The following LAX1 variants were observed in gnomAD, a reference collection of about 807,000 sequenced individuals.
LAX1 encodes the protein lymphocyte transmembrane adapter 1.
A neutral mutation model predicts 20.7 loss-of-function variants in LAX1; 17 were observed. The ratio of observed to expected loss-of-function variants is 0.82; its 90% CI spans 0.56 to 1.23. LAX1 has a LOEUF of 1.23. LAX1 is among the 50% of genes most tolerant of loss of function. The pLI is 0.00. For synonymous variants in LAX1, 165 were observed against 181.0 expected, an observed-to-expected ratio of 0.91 and a Z score of 0.71; for missense variants, 470 against 487.0, an observed-to-expected ratio of 0.97 and a Z score of 0.33.
intron 1 of LAX1, among the ~76,000 whole-genome samples, chr1:203,770,540 A>AGAAAGAAAGAAAGAAG (rs1558070933): frequency 1.5e-5 from 2 of 130,094 alleles, no homozygotes; most frequent in African/African-American, 5.6e-5. Context: ...AAAGAAAGAA[A>AGAAAGAAAGAAAGAAG]GAAAGAAAGA....
At chr1:203,766,115 A>G (rs1450699234) in intron 1 of LAX1, among the ~76,000 whole-genome samples, 6 of 152,218 alleles carry the variant, frequency 3.9e-5, no homozygotes, top group African/African-American at 1.4e-4. Context: ...ATGGGTATGA[A>G]TTACTGCTAC....
At chr1:203,770,459 A>AGAG (rs56340969) in intron 1 of LAX1, among the ~76,000 whole-genome samples, 15 of 10,512 alleles carry the variant, frequency 1.4e-3, no homozygotes, top group Admixed American at 1.9e-3. Flanking sequence ...GAGAGAAAGG[A>AGAG]AGGAAGGAAG....
In LAX1 at chr1:203,767,085, C is replaced by T. The variant is rs537778897; in HGVS notation, c.89+1431C>T. ...ATGTTGGTCAGGCTGGTCTCGAACTCCCTACCTTAGGTGATCCGCCCACCT... is the reference window on the plus strand; with the variant it reads ...ATGTTGGTCAGGCTGGTCTCGAACTTCCTACCTTAGGTGATCCGCCCACCT... On this transcript the variant is annotated intron_variant, in intron 1 of 4. Transcript: ENST00000442561. 4.6e-5 allele frequency among the ~76,000 whole-genome samples: 7 copies of T among 151,846 alleles called. No homozygotes were observed. In the South Asian group the frequency reaches 1.0e-3, roughly 23 times the overall value.
intron 1 of LAX1, among the ~76,000 whole-genome samples, chr1:203,770,520 A>G (rs1350042301): frequency 1.5e-5 from 2 of 131,582 alleles, no homozygotes; most frequent in Non-Finnish European, 3.1e-5. Context: ...GAAGAAAGAA[A>G]GAAAGAAAGA....
chr1:203,768,208 G>A (rs773054254), intron 1 of LAX1, among the ~76,000 whole-genome samples: 48 of 152,274 alleles, frequency 3.2e-4, no homozygotes, highest in Non-Finnish European at 6.6e-4. Context: ...CTACTCGGGA[G>A]GCTGAGGCAG....
chr1:203,773,809 A>G, intron 4 of LAX1, 66 bp from the exon 5 acceptor site: 1 of 810,706 alleles, frequency 1.2e-6, no homozygotes, highest in Non-Finnish European at 1.8e-6. Context: ...GGTATTTTCC[A>G]AGAAGAAAGG....
chr1:203,769,444 G>GAAAGAAA (rs1553254225), intron 1 of LAX1, among the ~76,000 whole-genome samples: 3,936 of 133,418 alleles, frequency 0.03, 161 homozygotes, highest in East Asian at 0.097. Context: ...AAAGAAAGAA[G>GAAAGAAA]GAAAGAAAGA....
intron 1 of LAX1, chr1:203,769,540 T>C (rs1237116037): frequency 6.6e-6 from 1 of 151,924 alleles, no homozygotes; most frequent in Non-Finnish European, 1.5e-5. Context: ...TTTCTAATAA[T>C]TGGGGGTAGC....
rs146780497 is a variant in LAX1 at position 203,774,158 on chromosome 1, T to C, written c.674T>C (p.Leu225Pro). 427 of 1,614,096 alleles carry C rather than the reference T, an allele frequency of 2.6e-4. No individual in the cohort carries two copies. Among genetic ancestry groups the C allele is most frequent in the Middle Eastern group, 4.9e-4 (3 of 6,084 alleles). Residue 225 changes from leucine to proline, a missense_variant, in exon 5 of 5, where the codon CTG (leucine) becomes CCG (proline). Leu to Pro is a moderately conservative substitution (Grantham distance 98). Coordinates refer to ENST00000442561, the MANE Select transcript of LAX1 (RefSeq NM_017773.4). ...NLFVLPSTQK[L>P]EFTEERDEGC... ...TTTGTTCTTCCCAGTACCCAGAAGC[T>C]GGAGTTTACTGAGGAAAGAGATGAG...
intron 1 of LAX1, among the ~76,000 whole-genome samples, chr1:203,768,321 G>C (rs1333848047): frequency 6.6e-6 from 1 of 152,036 alleles, no homozygotes; most frequent in East Asian, 1.9e-4. Flanking sequence ...CAAAAAAAAA[G>C]ATATATCAAT....
chr1:203,772,555 G>A (rs1667439453), intron 4 of LAX1, among the ~76,000 whole-genome samples: 1 of 152,092 alleles, frequency 6.6e-6, no homozygotes, highest in African/African-American at 2.4e-5. Context: ...AGCCTCCCAA[G>A]TAGCTGGGAT....
intron 1 of LAX1, among the ~76,000 whole-genome samples, chr1:203,770,505 G>A (rs1449142593): frequency 4.8e-4 from 39 of 81,608 alleles, no homozygotes; most frequent in Middle Eastern, 5.5e-3. Flanking sequence ...AAGGAAGGAA[G>A]GAAGGAAGAA....
chr1:203,765,468 G>A lies in LAX1; in HGVS notation c.-98G>A, dbSNP rs189540978. ...AGACACGAGATAGGGAGTTTGTTGC[G>A]GGGGTGGGGAGAAGTGGTAGACATG... On this transcript the variant is annotated 5_prime_UTR_variant, in exon 1 of 5. Transcript: ENST00000442561. The A allele has an allele frequency of 3.3e-4, 517 of 1,570,136 alleles. 4 individuals are homozygous for A. The African/African-American group carries it at 6.0e-3, about 18-fold the overall frequency.
rs764229394 is a variant in LAX1 at position 203,772,086 on chromosome 1, G to T, written c.329G>T (p.Ser110Ile). ...CTTTCAGGGAGACATGAGTCGAGGA[G>T]TATGCGCATTTTCAGTACTGAGAGC... is the stretch of plus-strand genomic sequence containing the variant. Reference protein sequence around the residue: ...QEDLGRHESRSMRIFSTESLL... With the variant: ...QEDLGRHESRIMRIFSTESLL... Residue 110 changes from serine to isoleucine, a missense_variant, in exon 4 of 5, where the codon AGT becomes ATT. By Grantham distance (142) the Ser-to-Ile change is moderately radical. Transcript: ENST00000442561. 1 of 1,614,084 alleles carries T rather than the reference G, an allele frequency of 6.2e-7. No homozygotes were observed. Among genetic ancestry groups the T allele is most frequent in the East Asian group, 2.2e-5 (1 of 44,884 alleles).
At chr1:203,772,725 A>ATTTTTT (rs34901413) in intron 4 of LAX1, among the ~76,000 whole-genome samples, 1 of 137,656 alleles carries the variant, frequency 7.3e-6, no homozygotes, top group Non-Finnish European at 1.5e-5. Flanking sequence ...CGTGCCCAGC[A>ATTTTTT]TTTTTTTTTT....
rs1667434996 is a variant in LAX1, at chr1:203,772,258, G to A, written c.390+111G>A. 1.4e-5 allele frequency: 11 copies of A among 800,066 alleles called. 1 individual carries two copies. In the South Asian group the frequency reaches 1.6e-4, roughly 12 times the overall value. 49.6% of individuals were successfully genotyped at this position (800,066 alleles called of 1,614,324 possible). A position where few individuals can be genotyped will look rare whatever the true frequency, so the allele number is the denominator to read the frequency against. ...CTGCAAACAAACAGCATGCCCTTTG[G>A]CACTCGCCCTGCAGTCCTATTAATA... On this transcript the variant is annotated intron_variant, in intron 4 of 4. Coordinates refer to ENST00000442561, the MANE Select transcript of LAX1 (RefSeq NM_017773.4).
chr1:203,767,079 C>T (rs182318330), intron 1 of LAX1, among the ~76,000 whole-genome samples: 6 of 151,762 alleles, frequency 4.0e-5, no homozygotes, highest in Admixed American at 6.6e-5. Flanking sequence ...AGGCTGGTCT[C>T]GAACTCCCTA....
rs1251494235 is a variant in LAX1 at position 203,765,600 on chromosome 1, G to A, written c.35G>A (p.Arg12Lys). The A allele has an allele frequency of 6.2e-7, 1 of 1,614,198 alleles. No individual in the cohort carries two copies. Among genetic ancestry groups the A allele is most frequent in the African/African-American group, 1.3e-5 (1 of 75,052 alleles). Residue 12 changes from arginine (R) to lysine (K), a missense_variant, in exon 1 of 5, where the codon AGA becomes AAA. Physicochemically the swap from Arg to Lys is conservative, Grantham distance 26. Transcript: ENST00000442561. Reference protein sequence around the residue: ...DGVTPTLSTIRGRTLESSTLH... With the variant: ...DGVTPTLSTIKGRTLESSTLH... Reference sequence around the variant, plus strand: ...GTCACTCCAACCCTTTCGACAATCAGAGGGAGGACCTTGGAGTCCAGCACT... The same window carrying A: ...GTCACTCCAACCCTTTCGACAATCAAAGGGAGGACCTTGGAGTCCAGCACT...
chr1:203,770,727 C>G lies in LAX1; in HGVS notation c.90-101C>G, dbSNP rs76692932. The stretch of plus-strand genomic sequence containing the variant: ...CCCACCTGGGCTTTCCTTCACTCGG[C>G]TCCCATTCCAAATCTTCAGGCTCTA... On this transcript the variant is annotated intron_variant, in intron 1 of 4. Coordinates refer to ENST00000442561, the MANE Select transcript of LAX1 (RefSeq NM_017773.4). 2,581 of 918,212 alleles carry G rather than the reference C, an allele frequency of 2.8e-3. 58 individuals are homozygous for G. The East Asian group carries it at 0.047, about 17-fold the overall frequency. The allele number at this position is 918,212 out of a possible 1,614,324, so 56.9% of individuals were successfully genotyped here.
Sources: allele counts gnomAD v4.1 joint callset (sites outside exome capture counted in the v4.1 genomes callset), GRCh38; gene constraint gnomAD v4.1.1; transcripts MANE v1.5; gene names NCBI Gene and HGNC (gene_info 2026-07-23, HGNC 2026-07-21).